The following RUFY3 variants were observed in gnomAD, a reference collection of about 807,000 sequenced individuals.
RUFY3 encodes protein RUFY3.
In RUFY3, 34 loss-of-function variants were observed where a neutral mutation model predicts 84.0. The observed-to-expected ratio is 0.40, with a 90% confidence interval of 0.31 to 0.54. The LOEUF (loss-of-function observed/expected upper bound fraction) is 0.54, where lower values mean the gene tolerates loss of function less well. RUFY3 is among the 20% of genes least tolerant of loss of function. RUFY3 has a pLI of 0.39. For synonymous variants in RUFY3, 242 were observed against 252.9 expected (o/e 0.96, Z 0.41); for missense variants, 507 against 736.8 (o/e 0.69, Z 3.61).
At chr4:70,717,252 T>G (rs1363686527), upstream of RUFY3, among the ~76,000 whole-genome samples, 2 of 152,184 alleles carry the variant, frequency 1.3e-5, no homozygotes, top group Admixed American at 1.3e-4. Context: ...ATTTTGGAAT[T>G]TATCAGGTGT....
chr4:70,709,625 T>C (rs1446054298), intron 1 of RUFY3, among the ~76,000 whole-genome samples: 1 of 152,242 alleles, frequency 6.6e-6, no homozygotes, highest in African/African-American at 2.4e-5. Flanking sequence ...TGTAATACTT[T>C]TAATGCTTTC....
chr4:70,780,685 A>G (rs1214653680), intron 8 of RUFY3, among the ~76,000 whole-genome samples: 1 of 152,230 alleles, frequency 6.6e-6, no homozygotes, highest in Non-Finnish European at 1.5e-5. Context: ...ATAACATTTT[A>G]TGAGATTGCT....
chr4:70,779,519 T>G (rs1281454275), intron 8 of RUFY3, among the ~76,000 whole-genome samples: 3 of 152,074 alleles, frequency 2.0e-5, no homozygotes, highest in African/African-American at 7.2e-5. Flanking sequence ...CATTAGATGG[T>G]TTTATGAAAA....
intron 7 of RUFY3, among the ~76,000 whole-genome samples, chr4:70,777,872 ATACT>A (rs1453572760): frequency 6.6e-6 from 1 of 152,244 alleles, no homozygotes; most frequent in African/African-American, 2.4e-5. Context: ...CATTGAATAA[ATACT>A]TACTGAATTA....
intron 4 of RUFY3, among the ~76,000 whole-genome samples, chr4:70,764,972 G>A (rs1168814364): frequency 6.6e-6 from 1 of 152,012 alleles, no homozygotes; most frequent in East Asian, 1.9e-4. Context: ...GACCACTTGA[G>A]GCCAGGAGTC....
At chr4:70,753,074 C>T (rs1280371806) in intron 1 of RUFY3, among the ~76,000 whole-genome samples, 1 of 151,042 alleles carries the variant, frequency 6.6e-6, no homozygotes, top group Non-Finnish European at 1.5e-5. Flanking sequence ...AATTCAGGAT[C>T]TTTACTTGTA....
chr4:70,742,573 ATT>A (rs1006111012), intron 1 of RUFY3, among the ~76,000 whole-genome samples: 4 of 152,334 alleles, frequency 2.6e-5, no homozygotes, highest in Admixed American at 2.0e-4. Flanking sequence ...TTTGGCCCAC[ATT>A]CTTTTCTCCA....
At chr4:70,704,640 C>T (rs1740036697), upstream of RUFY3, 1 of 234,992 alleles carries the variant, frequency 4.3e-6, no homozygotes, top group Non-Finnish European at 8.2e-6. Flanking sequence ...AGGACGCTGC[C>T]CCCTAGGGGA....
chr4:70,747,113 A>ATCT (rs1722357174), intron 1 of RUFY3, among the ~76,000 whole-genome samples: 1 of 152,242 alleles, frequency 6.6e-6, no homozygotes, highest in African/African-American at 2.4e-5. Flanking sequence ...TTCCTCAATT[A>ATCT]TCTCAAAACA....
chr4:70,732,709 A>G (rs894165047), intron 1 of RUFY3, among the ~76,000 whole-genome samples: 2 of 151,664 alleles, frequency 1.3e-5, no homozygotes, highest in African/African-American at 4.8e-5. Flanking sequence ...TCAAACAATG[A>G]GAACACATGG....
chr4:70,746,751 A>G (rs1490733480), intron 1 of RUFY3, among the ~76,000 whole-genome samples: 1 of 152,236 alleles, frequency 6.6e-6, no homozygotes, highest in Non-Finnish European at 1.5e-5. Context: ...CAACAACCTG[A>G]ATGATTCTTC....
At chr4:70,802,626 G>A (rs555898050) in intron 15 of RUFY3, among the ~76,000 whole-genome samples, 6 of 152,322 alleles carry the variant, frequency 3.9e-5, no homozygotes, top group Non-Finnish European at 8.8e-5. Context: ...TATATGGCCA[G>A]TGAACCATTG....
intron 13 of RUFY3, 36 bp from the exon 14 acceptor site, chr4:70,794,759 C>G: frequency 7.1e-7 from 1 of 1,411,744 alleles, no homozygotes; most frequent in African/African-American, 1.4e-5. Flanking sequence ...TATAGAATTC[C>G]AATTTTTCAT....
chr4:70,806,466 C>G, intron 17 of RUFY3, 50 bp from the exon 18 acceptor site: 2 of 1,607,168 alleles, frequency 1.2e-6, no homozygotes, highest in Non-Finnish European at 1.7e-6. Context: ...CCCATGAATC[C>G]TTATGCCTTG....
chr4:70,704,909 G>C, exon 1 of RUFY3: 3 of 1,203,848 alleles, frequency 2.5e-6, no homozygotes, highest in Non-Finnish European at 2.1e-6. Flanking sequence ...GGCGCGAATC[G>C]GAGGCTGCGG....
intron 1 of RUFY3, among the ~76,000 whole-genome samples, chr4:70,739,688 G>A (rs115187530): frequency 0.011 from 1,669 of 152,114 alleles, 26 homozygotes; most frequent in African/African-American, 0.038. Flanking sequence ...AAACAAAGGC[G>A]AAGCATTTTT....
chr4:70,776,189 A>G (rs779768439), intron 7 of RUFY3, among the ~76,000 whole-genome samples: 1 of 152,182 alleles, frequency 6.6e-6, no homozygotes, highest in Non-Finnish European at 1.5e-5. Context: ...GTTTTTTCCT[A>G]TACATATGTA....
At chr4:70,744,238 G>T (rs988375323) in intron 1 of RUFY3, among the ~76,000 whole-genome samples, 1 of 151,840 alleles carries the variant, frequency 6.6e-6, no homozygotes, top group African/African-American at 2.4e-5. Context: ...TCACTCTGTT[G>T]CCCAGGCTGG....
At chr4:70,756,967 CAA>C (rs537478389) in intron 1 of RUFY3, among the ~76,000 whole-genome samples, 2 of 150,388 alleles carry the variant, frequency 1.3e-5, no homozygotes, top group African/African-American at 4.9e-5. Context: ...TGTCATTTAA[CAA>C]AAAAAAAATT....
Sources: gnomAD v4.1 joint callset for allele counts (sites outside exome capture counted in the v4.1 genomes callset) on GRCh38, gnomAD v4.1.1 for gene constraint, MANE v1.5 for transcripts, NCBI Gene and HGNC (gene_info 2026-07-23, HGNC 2026-07-21) for gene names.